The following MUC13 variants were observed in gnomAD, a reference collection of about 807,000 sequenced individuals.
The protein encoded by MUC13 is mucin 13, cell surface associated.
In MUC13, 32 loss-of-function variants were observed where a neutral mutation model predicts 48.3. The ratio of observed to expected loss-of-function variants is 0.66; its 90% CI spans 0.50 to 0.89. MUC13 has a LOEUF of 0.89. MUC13 is among the 40% of genes least tolerant of loss of function. The pLI, the probability that MUC13 is intolerant of heterozygous loss-of-function variation, is 0.00. For synonymous variants in MUC13, 199 were observed against 224.9 expected, an observed-to-expected ratio of 0.88 and a Z score of 1.03; for missense variants, 571 against 622.8, an observed-to-expected ratio of 0.92 and a Z score of 0.88.
At chr3:124,925,972 T>C (rs1460089704) in intron 2 of MUC13, among the ~76,000 whole-genome samples, 1 of 152,164 alleles carries the variant, frequency 6.6e-6, no homozygotes, top group Non-Finnish European at 1.5e-5. Context: ...AAAGGAGGCA[T>C]AGTTCAGTAT....
At chr3:124,910,583 C>A in intron 9 of MUC13, 84 bp from the exon 10 acceptor site, 1 of 1,561,574 alleles carries the variant, frequency 6.4e-7, no homozygotes, top group South Asian at 1.2e-5. Flanking sequence ...TTCCCAGGGA[C>A]TCCTAGCTGT....
At chr3:124,912,212 C>T (rs1935431599) in intron 8 of MUC13, 71 bp from the exon 9 acceptor site, 1 of 1,576,296 alleles carries the variant, frequency 6.3e-7, no homozygotes, top group African/African-American at 1.4e-5. Context: ...GTTCCCACCC[C>T]AATCTCCACC....
rs571516859 is a variant in MUC13 at position 124,919,366 on chromosome 3, T to G, written c.800+868A>C. On this transcript the variant is annotated intron_variant, in intron 5 of 11. Transcript: ENST00000616727. ...AAAAAAAAAAAAATGGTTTTTTTTT[T>G]TTTTGTAGAGATGTAATGTCACTAT... Among the ~76,000 whole-genome samples the G allele has an allele frequency of 6.5e-3, 975 of 150,326 alleles. 17 individuals are homozygous for G. Among genetic ancestry groups the G allele is most frequent in the South Asian group, 0.035 (164 of 4,684 alleles).
At chr3:124,909,485 C>CATGTGTGTGT (rs372823172) in intron 10 of MUC13, among the ~76,000 whole-genome samples, 4,436 of 148,404 alleles carry the variant, frequency 0.03, 88 homozygotes, top group Non-Finnish European at 0.037. Flanking sequence ...TGTGTGCTTG[C>CATGTGTGTGT]GTGTGTGTGT....
At chr3:124,921,115 G>C (rs563621609) in intron 4 of MUC13, among the ~76,000 whole-genome samples, 1 of 151,938 alleles carries the variant, frequency 6.6e-6, no homozygotes, top group Non-Finnish European at 1.5e-5. Context: ...CATGGAATAA[G>C]ACTTCAGCTT....
At chr3:124,926,700 G>T (rs895612640) in intron 2 of MUC13, among the ~76,000 whole-genome samples, 1 of 152,174 alleles carries the variant, frequency 6.6e-6, no homozygotes, top group African/African-American at 2.4e-5. Flanking sequence ...GCTCTAAAGT[G>T]TGACGATTCT....
chr3:124,912,675 C>T (rs1935442746), intron 8 of MUC13, among the ~76,000 whole-genome samples: 2 of 152,100 alleles, frequency 1.3e-5, no homozygotes, highest in Non-Finnish European at 1.5e-5. Context: ...TGGTGGCTCA[C>T]GCCTGTAATC....
chr3:124,917,370 C>T (rs1394773315), intron 5 of MUC13, among the ~76,000 whole-genome samples: 2 of 140,676 alleles, frequency 1.4e-5, no homozygotes, highest in East Asian at 4.2e-4. Context: ...TTTTTTGAGA[C>T]AGGGTCTTGC....
At chr3:124,920,328 T>C (rs181651060) in intron 4 of MUC13, 39 bp from the exon 5 acceptor site, 13 of 1,490,080 alleles carry the variant, frequency 8.7e-6, no homozygotes, top group Non-Finnish European at 1.2e-5. Context: ...GTAAAAAAAA[T>C]TTTTTTTTCA....
At chr3:124,926,078 T>A (rs1378956181) in intron 2 of MUC13, among the ~76,000 whole-genome samples, 1 of 152,170 alleles carries the variant, frequency 6.6e-6, no homozygotes, top group Non-Finnish European at 1.5e-5. Context: ...TCAGCCACCT[T>A]GCAAAGATGA....
In MUC13 at chr3:124,913,655, A is replaced by T; in HGVS notation, c.991T>A (p.Cys331Ser). The change falls in exon 7 of 12, where the codon TGT (cysteine) becomes AGT (serine). Residue 331 changes from cysteine to serine, a missense_variant. Transcript: ENST00000616727. ...AGGCAGTCATCCGCAGTCTGGTTAC[A>T]GCCATAATAATCACACCGAAGGGTC... The part of the protein sequence containing the change: ...DLTLRCDYYG[C>S]NQTADDCLNG... The T allele has an allele frequency of 6.2e-7, 1 of 1,614,232 alleles. No homozygotes were observed. The highest frequency in any genetic ancestry group is 1.1e-5 in the South Asian group (1 of 91,090).
intron 6 of MUC13, among the ~76,000 whole-genome samples, chr3:124,915,978 A>C (rs1935505676): frequency 1.3e-5 from 2 of 152,184 alleles, no homozygotes; most frequent in South Asian, 4.1e-4. Context: ...ACACCCAGCC[A>C]CAGGTAAAAT....
chr3:124,914,942 A>G (rs1935486375), intron 6 of MUC13, among the ~76,000 whole-genome samples: 2 of 152,170 alleles, frequency 1.3e-5, no homozygotes, highest in South Asian at 4.1e-4. Flanking sequence ...GAACAAACAA[A>G]AAAGCAAACA....
At position 124,906,245 on chromosome 3, in the gene MUC13, C is replaced by T. The variant is rs553350203; in HGVS notation, c.*498G>A. On this transcript the variant is annotated 3_prime_UTR_variant, in exon 12 of 12. Coordinates refer to ENST00000616727, the MANE Select transcript of MUC13 (RefSeq NM_033049.4). ...AAGCAGTGTCCCTATTCTGACTTGT[C>T]AGAGAGTGAGCTTGTGACCCTTGAA... 1 of 152,770 alleles carries T rather than the reference C, an allele frequency of 6.5e-6. No homozygotes were observed. Among genetic ancestry groups the T allele is most frequent in the East Asian group, 1.9e-4 (1 of 5,182 alleles). The allele number at this position is 152,770 out of a possible 1,614,324, so 9.5% of individuals were successfully genotyped here.
chr3:124,931,398 C>T lies in MUC13; in HGVS notation c.52+3263G>A, dbSNP rs138086037. On this transcript the variant is annotated intron_variant, in intron 1 of 11. Coordinates refer to ENST00000616727, the MANE Select transcript of MUC13 (RefSeq NM_033049.4). ...GCGAGCCAAGATCGTGACAACTGCA[C>T]TCCAGCCTGGCAACAGAGCGAGACT... Among the ~76,000 whole-genome samples the T allele has an allele frequency of 5.1e-3, 742 of 145,752 alleles. 4 individuals are homozygous for T. The highest frequency in any genetic ancestry group is 0.018 in the African/African-American group (691 of 39,320).
chr3:124,913,653 A>G lies in MUC13; in HGVS notation c.993T>C (p.Cys331=), dbSNP rs80177701. The change falls in exon 7 of 12, where the codon TGT becomes TGC. Residue 331 remains cysteine, a synonymous_variant. Coordinates refer to ENST00000616727, the MANE Select transcript of MUC13 (RefSeq NM_033049.4). Reference sequence around the variant, plus strand: ...TGAGGCAGTCATCCGCAGTCTGGTTACAGCCATAATAATCACACCGAAGGG... The same window carrying G: ...TGAGGCAGTCATCCGCAGTCTGGTTGCAGCCATAATAATCACACCGAAGGG... ...DLTLRCDYYG[C]NQTADDCLNG... The G allele has an allele frequency of 6.2e-7, 1 of 1,614,212 alleles. No homozygotes were observed. The highest frequency in any genetic ancestry group is 1.3e-5 in the African/African-American group (1 of 75,064).
intron 1 of MUC13, 48 bp downstream of exon 1, chr3:124,934,613 A>G: frequency 7.3e-7 from 1 of 1,365,330 alleles, no homozygotes; most frequent in Non-Finnish European, 1.0e-6. Context: ...TCTACCTCAA[A>G]GACAACATAC....
rs866153332 is a variant in MUC13, at chr3:124,907,667, G to T, written c.*480C>A. On this transcript the variant is annotated intron_variant, in intron 11 of 11. Coordinates refer to ENST00000616727, the MANE Select transcript of MUC13 (RefSeq NM_033049.4). ...ACTTATATATATATATAGAGAGAGA[G>T]AGAGAGAGAGAGAGTTGCCTTGAGA... Among the ~76,000 whole-genome samples the T allele has an allele frequency of 1.7e-3, 258 of 152,036 alleles. 2 individuals carry two copies. The highest frequency in any genetic ancestry group is 3.4e-3 in the Middle Eastern group (1 of 294).
chr3:124,924,466 T>C (rs1373753026), intron 2 of MUC13, among the ~76,000 whole-genome samples: 1 of 152,230 alleles, frequency 6.6e-6, no homozygotes, highest in Non-Finnish European at 1.5e-5. Flanking sequence ...CAGAATAGCT[T>C]ATGTGTTTGA....
Sources: gnomAD v4.1 joint callset for allele counts (sites outside exome capture counted in the v4.1 genomes callset) on GRCh38, gnomAD v4.1.1 for gene constraint, MANE v1.5 for transcripts, NCBI Gene and HGNC (gene_info 2026-07-23, HGNC 2026-07-21) for gene names.